CENPO: variants seen among roughly 807,000 people sequenced by gnomAD.
The protein encoded by CENPO is centromeric protein O.
Under a neutral mutation model 36.1 loss-of-function variants are expected in CENPO, and 30 were observed. The observed-to-expected ratio is 0.83, with a 90% CI of 0.62 to 1.13. The LOEUF is 1.13. Among genes scored for constraint, CENPO ranks in the 50% most tolerant of loss-of-function variants. The pLI, the probability that CENPO is intolerant of heterozygous loss-of-function variation, is 0.00. For synonymous variants in CENPO, 171 were observed against 142.3 expected (o/e 1.20, Z -1.44); for missense variants, 349 against 357.8 (o/e 0.98, Z 0.20).
chr2:24,817,198 G>A (rs115732741), intron 6 of CENPO, among the ~76,000 whole-genome samples: 2,374 of 152,256 alleles, frequency 0.016, 34 homozygotes, highest in Non-Finnish European at 0.02. Flanking sequence ...GACATGACAC[G>A]TCAGCACACA....
At chr2:24,816,341 T>C (rs1666937283) in intron 5 of CENPO, 1 of 276,540 alleles carries the variant, frequency 3.6e-6, no homozygotes, top group South Asian at 1.2e-4. Flanking sequence ...TAAATTGAAA[T>C]GTGGATGCAG....
intron 3 of CENPO, among the ~76,000 whole-genome samples, chr2:24,805,723 C>T (rs1239512561): frequency 6.6e-6 from 1 of 152,184 alleles, no homozygotes; most frequent in Non-Finnish European, 1.5e-5. Context: ...TGTGAGGTGT[C>T]AGTCTGCCTC....
At chr2:24,819,044 A>G (rs1667127860) in intron 7 of CENPO, 2 of 152,708 alleles carry the variant, frequency 1.3e-5, no homozygotes, top group Non-Finnish European at 2.9e-5. Context: ...GTTCCGGGGT[A>G]CAGTGAGCTA....
rs1326589948 is a variant in CENPO, at chr2:24,804,950, C to CT, written c.216+5109dup. 5.9e-5 allele frequency among the ~76,000 whole-genome samples: 9 copies of CT among 152,360 alleles called. No homozygotes were observed. The East Asian group carries it at 1.7e-3, about 29-fold the overall frequency. On this transcript the variant is annotated intron_variant, in intron 3 of 7. Transcript: ENST00000380834. ...CAACTTGGTTCCATTCTCCCCATCA[C>CT]TTTCAGGTACACCTATCAGACGTAG...
At chr2:24,815,370 C>T in intron 4 of CENPO, 127 bp from the exon 5 acceptor site, 1 of 726,904 alleles carries the variant, frequency 1.4e-6, no homozygotes. Flanking sequence ...GCCTATGATA[C>T]TCATTGAACA....
At position 24,816,804 on chromosome 2, in the gene CENPO, C is replaced by T. The variant is rs375461888; in HGVS notation, c.753C>T (p.Thr251=). 43 of 1,600,132 alleles carry T rather than the reference C, an allele frequency of 2.7e-5. No individual in the cohort carries two copies. The highest frequency in any genetic ancestry group is 5.4e-5 in the African/African-American group (4 of 74,398). ...CAGCAACTCTTCCCACTGACGTCAC[C>T]GTGACATGTCAAGGTAAGAAGGGTG... ...DLTATLPTDV[T]VTCQGVEVLS... Residue 251 remains threonine, a synonymous_variant, in exon 6 of 8, where the codon ACC becomes ACT. Transcript: ENST00000380834.
At chr2:24,812,366 T>C (rs1264747396) in intron 3 of CENPO, among the ~76,000 whole-genome samples, 5 of 152,156 alleles carry the variant, frequency 3.3e-5, no homozygotes, top group Admixed American at 2.6e-4. Context: ...CTTTGGTTTT[T>C]AGCAATTTTA....
At chr2:24,796,677 T>C (rs1048908853) in intron 2 of CENPO, among the ~76,000 whole-genome samples, 1 of 152,052 alleles carries the variant, frequency 6.6e-6, no homozygotes, top group African/African-American at 2.4e-5. Context: ...AAAAAAACTA[T>C]AGTATTGTCT....
At chr2:24,811,038 G>A (rs960484399) in intron 3 of CENPO, among the ~76,000 whole-genome samples, 1 of 150,062 alleles carries the variant, frequency 6.7e-6, no homozygotes, top group Non-Finnish European at 1.5e-5. Flanking sequence ...CTGCCTCCTG[G>A]CTTCAAGTGA....
chr2:24,800,879 C>T (rs1572724904), intron 3 of CENPO, among the ~76,000 whole-genome samples: 1 of 152,110 alleles, frequency 6.6e-6, no homozygotes, highest in East Asian at 1.9e-4. Context: ...ATTTCTAGTT[C>T]TAGATCCCTG....
rs938327143 is a variant in CENPO at position 24,820,606 on chromosome 2, T to C, written c.*1288T>C. The stretch of plus-strand genomic sequence containing the variant: ...TTCTTTTCCACTTGCCCCACGTCTC[T>C]GCCTCTGGACTTACTGTTCAGGGCC... On this transcript the variant is annotated 3_prime_UTR_variant, in exon 8 of 8. Transcript: ENST00000380834. 4.0e-6 allele frequency: 6 copies of C among 1,511,574 alleles called. No individual in the cohort carries two copies. The African/African-American group carries it at 8.3e-5, about 21-fold the overall frequency. The allele number at this position is 1,511,574 out of a possible 1,614,324, so 93.6% of individuals were successfully genotyped here.
Position 24,821,910 on chromosome 2 carries a change from T to C in CENPO, c.*2592T>C, listed in dbSNP as rs141875727. The C allele has an allele frequency of 5.1e-4, 215 of 417,680 alleles. No homozygotes were observed. The highest frequency in any genetic ancestry group is 7.9e-4 in the Non-Finnish European group (183 of 230,580). The allele number at this position is 417,680 out of a possible 1,614,324, so 25.9% of individuals were successfully genotyped here. On this transcript the variant is annotated 3_prime_UTR_variant, in exon 8 of 8. Coordinates refer to ENST00000380834, the MANE Select transcript of CENPO (RefSeq NM_001322101.2). ...ACGAGGCGGACCCCTTCACCTTGGC[T>C]GGGCCTGGTCCTGGTCCTTAGGTTT...
At chr2:24,799,261 G>A (rs1053558836) in intron 2 of CENPO, among the ~76,000 whole-genome samples, 1 of 152,168 alleles carries the variant, frequency 6.6e-6, no homozygotes, top group East Asian at 1.9e-4. Flanking sequence ...GCCCCCCAGA[G>A]TGCTAAGATT....
intron 3 of CENPO, among the ~76,000 whole-genome samples, chr2:24,801,120 G>A (rs1666143710): frequency 6.6e-6 from 1 of 152,212 alleles, no homozygotes; most frequent in African/African-American, 2.4e-5. Context: ...CTGCAGAAAT[G>A]TCTTCTTTTG....
At chr2:24,793,545 C>T (rs893988846) in intron 1 of CENPO, 44 bp downstream of exon 1, 2 of 1,530,222 alleles carry the variant, frequency 1.3e-6, no homozygotes, top group Non-Finnish European at 1.8e-6. Flanking sequence ...CATTGTCGGA[C>T]CGGACCGTGG....
chr2:24,803,258 G>C (rs1378563418), intron 3 of CENPO, among the ~76,000 whole-genome samples: 1 of 151,274 alleles, frequency 6.6e-6, no homozygotes, highest in Admixed American at 6.6e-5. Context: ...TATCAATTTT[G>C]TTGATCTTTT....
chr2:24,798,975 CTTTTTTTTTTTTTTT>C (rs70947846), intron 2 of CENPO, among the ~76,000 whole-genome samples: 124 of 114,492 alleles, frequency 1.1e-3, no homozygotes, highest in Admixed American at 1.5e-3. Flanking sequence ...CTGGGGCTTC[CTTTTTTTTTTTTTTT>C]TTTTTTTTTT....
intron 2 of CENPO, among the ~76,000 whole-genome samples, chr2:24,796,132 G>A (rs10188181): frequency 0.7 from 106,390 of 151,756 alleles, 38,147 homozygotes; most frequent in Admixed American, 0.79. Context: ...AAAGCGGGTG[G>A]ATCACAAGGT....
chr2:24,821,047 A>ACC lies in CENPO; in HGVS notation c.*1738_*1739dup, dbSNP rs3214642. The stretch of plus-strand genomic sequence containing the variant: ...GTGTGCTTGTTAGGTGTCAGCCGCC[A>ACC]CCCCCCCCCCATATGCAGATTTACT... On this transcript the variant is annotated 3_prime_UTR_variant, in exon 8 of 8. Coordinates refer to ENST00000380834, the MANE Select transcript of CENPO (RefSeq NM_001322101.2). 1.1e-3 allele frequency: 612 copies of ACC among 533,358 alleles called. 2 individuals are homozygous for ACC. The highest frequency in any genetic ancestry group is 0.011 in the African/African-American group (499 of 45,500). 33.0% of individuals were successfully genotyped at this position (533,358 alleles called of 1,614,324 possible). A position where few individuals can be genotyped will look rare whatever the true frequency, so the allele number is the denominator to read the frequency against.
Sources: gnomAD v4.1 joint callset for allele counts (sites outside exome capture counted in the v4.1 genomes callset) on GRCh38, gnomAD v4.1.1 for gene constraint, MANE v1.5 for transcripts, NCBI Gene and HGNC (gene_info 2026-07-23, HGNC 2026-07-21) for gene names.